The following ZMAT4 variants were observed in gnomAD, a reference collection of about 807,000 sequenced individuals.
ZMAT4 encodes the protein zinc finger matrin-type protein 4.
Under a neutral mutation model 28.7 loss-of-function variants are expected in ZMAT4, and 17 were observed. That is an observed-to-expected ratio of 0.59 (90% confidence interval 0.41 to 0.89). The LOEUF (loss-of-function observed/expected upper bound fraction) is 0.89. Among genes scored for constraint, ZMAT4 ranks in the 40% least tolerant of loss-of-function variants. The probability of loss-of-function intolerance (pLI) is 0.00; values close to 1 mark genes in which losing one functional copy is unlikely to be tolerated. For synonymous variants in ZMAT4, 117 were observed against 109.2 expected (o/e 1.07, Z -0.44); for missense variants, 240 against 283.8 (o/e 0.85, Z 1.11).
chr8:40,711,856 T>C (rs768216424), intron 3 of ZMAT4, among the ~76,000 whole-genome samples: 5 of 152,178 alleles, frequency 3.3e-5, no homozygotes, highest in Non-Finnish European at 5.9e-5. Flanking sequence ...CTGGAATGAT[T>C]GGCAAAGATC....
chr8:40,887,035 G>T (rs1818479238), intron 1 of ZMAT4, among the ~76,000 whole-genome samples: 2 of 151,798 alleles, frequency 1.3e-5, no homozygotes, highest in South Asian at 4.2e-4. Context: ...ACCTGGCGTG[G>T]TGGCGGGCGC....
At chr8:40,756,428 A>G (rs1244640906) in intron 3 of ZMAT4, among the ~76,000 whole-genome samples, 1 of 50,548 alleles carries the variant, frequency 2.0e-5, no homozygotes, top group Admixed American at 1.7e-4. Flanking sequence ...ATGTTCTTTT[A>G]TATATATATA....
intron 5 of ZMAT4, among the ~76,000 whole-genome samples, chr8:40,585,667 T>C (rs1562907): frequency 0.98 from 149,618 of 152,258 alleles, 73,580 homozygotes; most frequent in Middle Eastern, 1. Flanking sequence ...AGTAAGATTA[T>C]TACGGTCCCC....
rs1563360151 is a variant in ZMAT4 at position 40,601,495 on chromosome 8, G to GAAAGAAAGAA, written c.578-20235_578-20234insTTCTTTCTTT. On this transcript the variant is annotated intron_variant, in intron 5 of 6. Transcript: ENST00000297737. ...AAAGAAAGAAAGAAAGAAAGAAAGA[G>GAAAGAAAGAA]AGAAAGAAAGAAAGAGAAAGAGAAA... 2.8e-3 allele frequency among the ~76,000 whole-genome samples: 267 copies of GAAAGAAAGAA among 97,022 alleles called. 43 individuals carry two copies. The highest frequency in any genetic ancestry group is 3.7e-3 in the Admixed American group (32 of 8,576). 63.7% of individuals were successfully genotyped at this position (97,022 alleles called of 152,430 possible). A position where few individuals can be genotyped will look rare whatever the true frequency, so the allele number is the denominator to read the frequency against.
chr8:40,865,104 C>A (rs146001918), intron 1 of ZMAT4, among the ~76,000 whole-genome samples: 1 of 152,114 alleles, frequency 6.6e-6, no homozygotes, highest in Non-Finnish European at 1.5e-5. Context: ...TTTAAACGTA[C>A]GCTTTTTGCA....
At chr8:40,710,015 G>A (rs564744512) in intron 3 of ZMAT4, among the ~76,000 whole-genome samples, 2 of 148,188 alleles carry the variant, frequency 1.3e-5, no homozygotes, top group Non-Finnish European at 3.0e-5. Flanking sequence ...TCCAGCCTGG[G>A]CAACAGTCTG....
chr8:40,711,052 G>A (rs2150507770), intron 3 of ZMAT4, among the ~76,000 whole-genome samples: 1 of 152,240 alleles, frequency 6.6e-6, no homozygotes, highest in South Asian at 2.1e-4. Flanking sequence ...CCAAAGTACT[G>A]GGATTACAGG....
chr8:40,581,588 A>G (rs1250139443), intron 5 of ZMAT4, among the ~76,000 whole-genome samples: 1 of 152,164 alleles, frequency 6.6e-6, no homozygotes, highest in Non-Finnish European at 1.5e-5. Context: ...GACATAATAC[A>G]CTGTCATCTC....
chr8:40,649,632 G>T (rs1271811026), intron 5 of ZMAT4, among the ~76,000 whole-genome samples: 1 of 151,754 alleles, frequency 6.6e-6, no homozygotes, highest in Non-Finnish European at 1.5e-5. Context: ...ATTTTTTTCA[G>T]CACCACACCA....
intron 3 of ZMAT4, among the ~76,000 whole-genome samples, chr8:40,767,052 T>C (rs1469204643): frequency 6.6e-6 from 1 of 152,178 alleles, no homozygotes; most frequent in Non-Finnish European, 1.5e-5. Context: ...ATTTATTTCA[T>C]CAGCCTTTGC....
At chr8:40,811,403 T>C (rs1815308763) in intron 2 of ZMAT4, among the ~76,000 whole-genome samples, 1 of 152,148 alleles carries the variant, frequency 6.6e-6, no homozygotes, top group Non-Finnish European at 1.5e-5. Flanking sequence ...CAGGCAAATG[T>C]CACAGCCTGT....
intron 3 of ZMAT4, among the ~76,000 whole-genome samples, chr8:40,757,158 G>A (rs962133148): frequency 3.3e-5 from 5 of 152,170 alleles, no homozygotes; most frequent in African/African-American, 7.2e-5. Flanking sequence ...TATGGAAGCC[G>A]AAGCAGGAAG....
At chr8:40,675,747 A>G (rs552827376) in intron 4 of ZMAT4, among the ~76,000 whole-genome samples, 31 of 152,350 alleles carry the variant, frequency 2.0e-4, no homozygotes, top group Admixed American at 8.5e-4. Flanking sequence ...TGAGGAAGTC[A>G]TGCTAATTTT....
intron 1 of ZMAT4, among the ~76,000 whole-genome samples, chr8:40,832,229 C>T (rs182299448): frequency 1.3e-5 from 2 of 152,242 alleles, no homozygotes; most frequent in East Asian, 3.9e-4. Context: ...TATGCTGGGG[C>T]CTGAAGAGCC....
intron 5 of ZMAT4, among the ~76,000 whole-genome samples, chr8:40,583,355 G>A (rs891152463): frequency 2.6e-5 from 4 of 152,202 alleles, no homozygotes; most frequent in Non-Finnish European, 5.9e-5. Context: ...CTCACAGACT[G>A]TGTGTACCCT....
chr8:40,884,222 C>T (rs1395484409), intron 1 of ZMAT4, among the ~76,000 whole-genome samples: 2 of 148,090 alleles, frequency 1.4e-5, no homozygotes, highest in African/African-American at 2.5e-5. Context: ...TGGCTACGGA[C>T]TCCTCTTCCC....
chr8:40,789,654 A>G (rs1420360930), intron 2 of ZMAT4, among the ~76,000 whole-genome samples: 1 of 152,220 alleles, frequency 6.6e-6, no homozygotes, highest in African/African-American at 2.4e-5. Flanking sequence ...GTATACCTGT[A>G]TCAAAATATC....
At chr8:40,536,421 C>T in intron 6 of ZMAT4, among the ~76,000 whole-genome samples, 1 of 152,322 alleles carries the variant, frequency 6.6e-6, no homozygotes, top group Middle Eastern at 3.4e-3. Context: ...GTTGCAATGC[C>T]TCACTGGGTT....
intron 1 of ZMAT4, among the ~76,000 whole-genome samples, chr8:40,879,756 A>G (rs1429758815): frequency 1.3e-5 from 2 of 152,248 alleles, no homozygotes; most frequent in African/African-American, 4.8e-5. Context: ...GAGAATCTCT[A>G]TTAGCATTTT....
Sources: gnomAD v4.1 joint callset for allele counts (sites outside exome capture counted in the v4.1 genomes callset) on GRCh38, gnomAD v4.1.1 for gene constraint, MANE v1.5 for transcripts, NCBI Gene and HGNC (gene_info 2026-07-23, HGNC 2026-07-21) for gene names.